NCAM2: variants seen among roughly 807,000 people sequenced by gnomAD.
NCAM2 encodes N-CAM-2.
In NCAM2, 30 loss-of-function variants were observed where a neutral mutation model predicts 98.1. That is an observed-to-expected ratio of 0.31 (90% CI 0.23 to 0.41). The LOEUF (loss-of-function observed/expected upper bound fraction) is 0.41, where lower values mean the gene tolerates loss of function less well. Ranked by LOEUF, NCAM2 falls within the 10% of genes least tolerant of loss-of-function variation. NCAM2 has a pLI of 1.00. For synonymous variants in NCAM2, 368 were observed against 342.4 expected, an observed-to-expected ratio of 1.07 and a Z score of -0.83; for missense variants, 867 against 1,005.8, an observed-to-expected ratio of 0.86 and a Z score of 1.87.
chr21:21,202,408 CTTTTTTTT>C (rs11385750), intron 1 of NCAM2, among the ~76,000 whole-genome samples: 3 of 80,196 alleles, frequency 3.7e-5, no homozygotes, highest in Admixed American at 4.3e-4. Context: ...AGCAAATATC[CTTTTTTTT>C]TTTTTTTTTT....
chr21:21,385,181 TTAGA>T (rs1569004292), intron 9 of NCAM2, among the ~76,000 whole-genome samples: 2 of 152,098 alleles, frequency 1.3e-5, no homozygotes, highest in Non-Finnish European at 2.9e-5. Context: ...TGGTTTGTTA[TTAGA>T]TATTTTATTT....
rs751489970 is a variant in NCAM2 at position 21,450,793 on chromosome 21, T to TGTATGTATACACACACACACAC, written c.1655-15813_1655-15812insGTATGTATACACACACACACAC. 5.6e-5 allele frequency among the ~76,000 whole-genome samples: 8 copies of TGTATGTATACACACACACACAC among 143,530 alleles called. No individual in the cohort carries two copies. The South Asian group carries it at 7.1e-4, about 13-fold the overall frequency. The allele number at this position is 143,530 out of a possible 152,430, so 94.2% of individuals were successfully genotyped here. On this transcript the variant is annotated intron_variant, in intron 12 of 17. Transcript: ENST00000400546. ...CATCATGTATGTATGTATGTATGTA[T>TGTATGTATACACACACACACAC]ACACACACACACACACACACACACA...
chr21:21,010,770 A>G (rs976587046), intron 1 of NCAM2, among the ~76,000 whole-genome samples: 1 of 152,112 alleles, frequency 6.6e-6, no homozygotes, highest in African/African-American at 2.4e-5. Flanking sequence ...TGGATGTGTG[A>G]TGGAAGAAGA....
chr21:21,000,057 A>G (rs1189878619), intron 1 of NCAM2, among the ~76,000 whole-genome samples: 2 of 152,244 alleles, frequency 1.3e-5, no homozygotes, highest in East Asian at 3.9e-4. Context: ...CAGTCTTAGC[A>G]AAATTGCAGA....
chr21:21,131,141 C>T (rs1951192435), intron 1 of NCAM2, among the ~76,000 whole-genome samples: 1 of 152,108 alleles, frequency 6.6e-6, no homozygotes, highest in African/African-American at 2.4e-5. Context: ...TTATGAAAAT[C>T]ACAGCTAATA....
chr21:21,327,209 G>A (rs2074539287), intron 6 of NCAM2, among the ~76,000 whole-genome samples: 1 of 147,146 alleles, frequency 6.8e-6, no homozygotes, highest in African/African-American at 2.5e-5. Flanking sequence ...TCTGGAGGCT[G>A]AAGCAGGAGA....
chr21:21,108,666 G>T (rs1057109782), intron 1 of NCAM2, among the ~76,000 whole-genome samples: 2 of 152,054 alleles, frequency 1.3e-5, no homozygotes, highest in Non-Finnish European at 2.9e-5. Context: ...GAAGAGAAGA[G>T]CTGTATTTTC....
chr21:21,421,304 A>C (rs1049684608), intron 11 of NCAM2, among the ~76,000 whole-genome samples: 1 of 152,006 alleles, frequency 6.6e-6, no homozygotes, highest in Admixed American at 6.6e-5. Context: ...TCTAGTGACT[A>C]TATTAAATTA....
chr21:21,381,465 A>G (rs772901769), intron 9 of NCAM2, among the ~76,000 whole-genome samples: 7 of 151,186 alleles, frequency 4.6e-5, no homozygotes, highest in Non-Finnish European at 8.9e-5. Flanking sequence ...TTAGTATTTG[A>G]TTTTAATTTA....
At chr21:21,256,270 C>A (rs2071668768) in intron 1 of NCAM2, among the ~76,000 whole-genome samples, 1 of 152,014 alleles carries the variant, frequency 6.6e-6, no homozygotes, top group Non-Finnish European at 1.5e-5. Context: ...GCAGGAGACT[C>A]ACTTGAACCT....
rs941653959 is a variant in NCAM2 at position 21,541,250 on chromosome 21, GAAAA to G, written c.*3297_*3300del. 1.3e-5 allele frequency: 2 copies of G among 151,208 alleles called. No individual in the cohort carries two copies. The highest frequency in any genetic ancestry group is 3.0e-5 in the Non-Finnish European group (2 of 67,586). 9.4% of individuals were successfully genotyped at this position (151,208 alleles called of 1,614,324 possible). On this transcript the variant is annotated 3_prime_UTR_variant, in exon 18 of 18. Coordinates refer to ENST00000400546, the MANE Select transcript of NCAM2 (RefSeq NM_004540.5). ...AGCATGACAGTCTGCTTTATTAAAA[GAAAA>G]AAACTACAATTAACATCATTACTAG...
chr21:21,457,642 GA>G (rs536117484), intron 12 of NCAM2, among the ~76,000 whole-genome samples: 11,452 of 136,362 alleles, frequency 0.084, 636 homozygotes, highest in African/African-American at 0.17. Context: ...TCCTTCTCAA[GA>G]AAAAAAAAAA....
intron 1 of NCAM2, among the ~76,000 whole-genome samples, chr21:21,021,117 T>C (rs1294198008): frequency 6.6e-6 from 1 of 152,192 alleles, no homozygotes; most frequent in Non-Finnish European, 1.5e-5. Context: ...CAGCAATTTA[T>C]TGCATTCTTC....
At chr21:21,398,766 A>T (rs189918614) in intron 9 of NCAM2, among the ~76,000 whole-genome samples, 1 of 152,314 alleles carries the variant, frequency 6.6e-6, no homozygotes, top group African/African-American at 2.4e-5. Flanking sequence ...ATATTGAGAG[A>T]CATGAATGAT....
intron 1 of NCAM2, among the ~76,000 whole-genome samples, chr21:21,111,143 TA>T (rs572194906): frequency 6.6e-6 from 1 of 152,148 alleles, no homozygotes; most frequent in African/African-American, 2.4e-5. Flanking sequence ...GAGAAGGAAA[TA>T]AAAAATCTAT....
At chr21:21,077,733 G>T (rs2146390405) in intron 1 of NCAM2, among the ~76,000 whole-genome samples, 1 of 152,194 alleles carries the variant, frequency 6.6e-6, no homozygotes. Context: ...GGCTCCATTA[G>T]AAACAGTTTC....
chr21:21,228,273 A>G (rs999202673), intron 1 of NCAM2, among the ~76,000 whole-genome samples: 5 of 151,630 alleles, frequency 3.3e-5, no homozygotes, highest in African/African-American at 1.2e-4. Context: ...AGATTAATAC[A>G]TGATTAATGG....
intron 1 of NCAM2, among the ~76,000 whole-genome samples, chr21:21,217,088 T>C (rs947716346): frequency 2.6e-5 from 4 of 152,174 alleles, no homozygotes; most frequent in African/African-American, 9.6e-5. Flanking sequence ...GGATAAATGC[T>C]GAGGGTGCCA....
intron 1 of NCAM2, among the ~76,000 whole-genome samples, chr21:21,233,218 A>G (rs1443254396): frequency 6.6e-6 from 1 of 151,510 alleles, no homozygotes; most frequent in Non-Finnish European, 1.5e-5. Context: ...TCCAAGACAC[A>G]TTCTTCACAA....
Sources: gnomAD v4.1 joint callset for allele counts (sites outside exome capture counted in the v4.1 genomes callset) on GRCh38, gnomAD v4.1.1 for gene constraint, MANE v1.5 for transcripts, NCBI Gene and HGNC (gene_info 2026-07-23, HGNC 2026-07-21) for gene names.